The following LRP1B variants were observed in gnomAD, a reference collection of about 807,000 sequenced individuals.
LRP1B encodes the protein LDL receptor related protein 1B.
LRP1B carries 217 observed loss-of-function variants against 556.6 expected under a neutral mutation model. The ratio of observed to expected loss-of-function variants is 0.39; its 90% confidence interval spans 0.35 to 0.44. LRP1B has a LOEUF of 0.44. Ranked by LOEUF, LRP1B falls within the 20% of genes least tolerant of loss-of-function variation. The probability of loss-of-function intolerance (pLI) is 1.00; values close to 1 mark genes in which losing one functional copy is unlikely to be tolerated. For missense variants in LRP1B, 5,053 were observed against 5,620.8 expected (o/e 0.90, Z 3.23); for synonymous variants, 2,047 against 1,865.8 (o/e 1.10, Z -2.50).
intron 3 of LRP1B, among the ~76,000 whole-genome samples, chr2:141,335,682 A>G (rs1687822730): frequency 6.6e-6 from 1 of 152,226 alleles, no homozygotes; most frequent in Non-Finnish European, 1.5e-5. Context: ...ATACTTTCAG[A>G]CAACTAGCAC....
intron 7 of LRP1B, among the ~76,000 whole-genome samples, chr2:141,091,127 C>T (rs1700161163): frequency 6.6e-6 from 1 of 151,614 alleles, no homozygotes; most frequent in Non-Finnish European, 1.5e-5. Flanking sequence ...GTTTCCCACA[C>T]AATGAAGATG....
intron 1 of LRP1B, among the ~76,000 whole-genome samples, chr2:141,957,406 G>A (rs1246661544): frequency 2.2e-5 from 3 of 134,214 alleles, no homozygotes; most frequent in Non-Finnish European, 3.2e-5. Context: ...GCGGGGGGGT[G>A]TACACTCCCA....
chr2:141,237,963 A>G (rs979220566), intron 5 of LRP1B, among the ~76,000 whole-genome samples: 1 of 152,180 alleles, frequency 6.6e-6, no homozygotes, highest in Non-Finnish European at 1.5e-5. Context: ...AAGAGACTTT[A>G]CTGAATTAAC....
At chr2:141,907,428 G>T (rs950235711) in intron 1 of LRP1B, among the ~76,000 whole-genome samples, 10 of 151,338 alleles carry the variant, frequency 6.6e-5, no homozygotes, top group African/African-American at 2.4e-4. Flanking sequence ...TTTCTATATC[G>T]CTTTCTAAAT....
chr2:141,583,919 T>TTA (rs1298728635), intron 2 of LRP1B, among the ~76,000 whole-genome samples: 1 of 151,528 alleles, frequency 6.6e-6, no homozygotes, highest in Non-Finnish European at 1.5e-5. Context: ...TTTTTTTTTT[T>TTA]AGTAGCGATG....
At chr2:141,196,496 T>C (rs1681756224) in intron 6 of LRP1B, among the ~76,000 whole-genome samples, 1 of 152,128 alleles carries the variant, frequency 6.6e-6, no homozygotes, top group Non-Finnish European at 1.5e-5. Flanking sequence ...ATATTCAGTC[T>C]TTATATAATT....
rs115168019 is a variant in LRP1B at position 140,685,051 on chromosome 2, C to G, written c.6799+15199G>C. ...CTCCTATAGTGTCCATAGCATGTAT[C>G]AGTCATGTGCAAATATTCAAAAAAC... On this transcript the variant is annotated intron_variant, in intron 41 of 90. Coordinates refer to ENST00000389484, the MANE Select transcript of LRP1B (RefSeq NM_018557.3). Among the ~76,000 whole-genome samples the G allele has an allele frequency of 4.3e-3, 652 of 152,238 alleles. 4 individuals are homozygous for G. Among genetic ancestry groups the G allele is most frequent in the African/African-American group, 0.015 (612 of 41,548 alleles).
At chr2:140,470,409 C>G (rs1483931233) in intron 60 of LRP1B, among the ~76,000 whole-genome samples, 1 of 152,004 alleles carries the variant, frequency 6.6e-6, no homozygotes, top group East Asian at 1.9e-4. Context: ...TTTGGGAGGC[C>G]TAGGCGGGCG....
intron 1 of LRP1B, among the ~76,000 whole-genome samples, chr2:141,982,370 C>T (rs552688958): frequency 1.4e-4 from 22 of 152,236 alleles, no homozygotes; most frequent in African/African-American, 5.3e-4. Flanking sequence ...ACAACAAACA[C>T]AATACAGAGC....
chr2:140,563,061 G>C (rs189152430), intron 43 of LRP1B, among the ~76,000 whole-genome samples: 157 of 152,228 alleles, frequency 1.0e-3, no homozygotes, highest in Admixed American at 3.2e-3. Context: ...ACTGTTCAAA[G>C]TGTTAAATGT....
At chr2:141,685,203 C>T (rs537392413) in intron 2 of LRP1B, among the ~76,000 whole-genome samples, 1 of 152,078 alleles carries the variant, frequency 6.6e-6, no homozygotes, top group South Asian at 2.1e-4. Context: ...TGAGTGCAGA[C>T]AAATTGTTTT....
At chr2:141,900,015 G>A (rs78100288) in intron 1 of LRP1B, among the ~76,000 whole-genome samples, 52 of 152,122 alleles carry the variant, frequency 3.4e-4, no homozygotes, top group Non-Finnish European at 6.2e-4. Context: ...AGATGAACAC[G>A]CTCTCTGGAA....
intron 2 of LRP1B, among the ~76,000 whole-genome samples, chr2:141,534,860 A>T (rs561438386): frequency 1.3e-5 from 2 of 152,062 alleles, no homozygotes; most frequent in Non-Finnish European, 2.9e-5. Flanking sequence ...AAAATCTATG[A>T]CCTCAGGGAG....
chr2:141,025,404 A>C (rs1298398083), intron 11 of LRP1B, among the ~76,000 whole-genome samples: 1 of 152,090 alleles, frequency 6.6e-6, no homozygotes, highest in Non-Finnish European at 1.5e-5. Flanking sequence ...TGTATGAGTC[A>C]ATTTGGCTAG....
At chr2:140,459,235 A>G (rs16844018) in intron 60 of LRP1B, among the ~76,000 whole-genome samples, 2,324 of 152,276 alleles carry the variant, frequency 0.015, 61 homozygotes, top group African/African-American at 0.051. Context: ...CTTTGACTGT[A>G]TAAATTCATA....
chr2:140,692,258 A>T (rs1686271988), intron 41 of LRP1B, among the ~76,000 whole-genome samples: 1 of 152,138 alleles, frequency 6.6e-6, no homozygotes, highest in Non-Finnish European at 1.5e-5. Flanking sequence ...TCATTTGAGA[A>T]TATTTTTATT....
At chr2:140,436,943 T>C (rs2105292562) in intron 66 of LRP1B, among the ~76,000 whole-genome samples, 2 of 152,258 alleles carry the variant, frequency 1.3e-5, no homozygotes, top group South Asian at 2.1e-4. Context: ...TATTTTGTGA[T>C]ATTAAAAGTG....
chr2:141,969,124 T>A (rs1355468126), intron 1 of LRP1B, among the ~76,000 whole-genome samples: 1 of 150,836 alleles, frequency 6.6e-6, no homozygotes, highest in South Asian at 2.1e-4. Context: ...TTTTTTTTTT[T>A]AAAGCTATAC....
chr2:141,723,717 A>G (rs1692926525), intron 2 of LRP1B, among the ~76,000 whole-genome samples: 1 of 151,956 alleles, frequency 6.6e-6, no homozygotes, highest in Non-Finnish European at 1.5e-5. Context: ...AAAAATTGAT[A>G]TAACTCTTCA....
Sources: gnomAD v4.1 joint callset for allele counts (sites outside exome capture counted in the v4.1 genomes callset) on GRCh38, gnomAD v4.1.1 for gene constraint, MANE v1.5 for transcripts, NCBI Gene and HGNC (gene_info 2026-07-23, HGNC 2026-07-21) for gene names.